Variants in PIGU observed in about 807,000 individuals in gnomAD.
PIGU encodes the protein phosphatidylinositol glycan anchor biosynthesis class U.
PIGU carries 24 observed loss-of-function variants against 49.9 expected under a neutral mutation model. That is an observed-to-expected ratio of 0.48 (90% CI 0.35 to 0.68). The LOEUF is 0.68. Ranked by LOEUF, PIGU falls within the 30% of genes least tolerant of loss-of-function variation. The probability of loss-of-function intolerance (pLI) is 0.01; values close to 1 mark genes in which losing one functional copy is unlikely to be tolerated. For synonymous variants in PIGU, 220 were observed against 205.7 expected (o/e 1.07, Z -0.59); for missense variants, 490 against 532.6 (o/e 0.92, Z 0.79).
At chr20:34,672,855 T>TTAAAAA (rs772400912) in intron 1 of PIGU, among the ~76,000 whole-genome samples, 6 of 95,302 alleles carry the variant, frequency 6.3e-5, no homozygotes, top group Non-Finnish European at 1.2e-4. Flanking sequence ...ACCCTGTCTC[T>TTAAAAA]CAAAAAAAAA....
intron 9 of PIGU, among the ~76,000 whole-genome samples, chr20:34,583,968 G>A (rs910873): frequency 0.046 from 6,974 of 152,272 alleles, 262 homozygotes; most frequent in Non-Finnish European, 0.081. Context: ...CCATCTAGGC[G>A]TATCTGTACC....
chr20:34,620,809 CAAAAAAAAAACA>C (rs1985184816), intron 6 of PIGU, among the ~76,000 whole-genome samples: 1 of 127,810 alleles, frequency 7.8e-6, no homozygotes, highest in African/African-American at 3.2e-5. Context: ...TAAAAAAAAA[CAAAAAAAAAACA>C]AAAAAAAAAA....
At chr20:34,568,158 C>T (rs1982855329) in intron 11 of PIGU, among the ~76,000 whole-genome samples, 1 of 152,206 alleles carries the variant, frequency 6.6e-6, no homozygotes, top group Non-Finnish European at 1.5e-5. Flanking sequence ...CGAGCCAGGA[C>T]AGACAGGGCT....
intron 2 of PIGU, among the ~76,000 whole-genome samples, chr20:34,654,523 G>T (rs1986649547): frequency 8.7e-6 from 1 of 114,610 alleles, no homozygotes; most frequent in Non-Finnish European, 1.8e-5. Context: ...TTCCTAACCT[G>T]TTTCTGCCAG....
intron 11 of PIGU, among the ~76,000 whole-genome samples, chr20:34,566,078 T>TCA (rs767994146): frequency 2.0e-5 from 3 of 150,330 alleles, no homozygotes; most frequent in Non-Finnish European, 4.4e-5. Flanking sequence ...CGCACTGCAC[T>TCA]CACACACACA....
chr20:34,645,845 C>T (rs1211922823), intron 2 of PIGU, among the ~76,000 whole-genome samples: 1 of 151,916 alleles, frequency 6.6e-6, no homozygotes, highest in Non-Finnish European at 1.5e-5. Context: ...TGTAGTGAGC[C>T]GAGATCACGC....
At chr20:34,640,499 GCACA>G (rs869136761) in intron 4 of PIGU, among the ~76,000 whole-genome samples, 2 of 16,468 alleles carry the variant, frequency 1.2e-4, no homozygotes, top group Non-Finnish European at 2.3e-4. Flanking sequence ...GTGCGCACGC[GCACA>G]CACACACACA....
At chr20:34,666,788 C>T (rs1195921450) in intron 1 of PIGU, among the ~76,000 whole-genome samples, 1 of 150,562 alleles carries the variant, frequency 6.6e-6, no homozygotes, top group East Asian at 1.9e-4. Flanking sequence ...ACTCCACCTC[C>T]CGGGTTGACG....
chr20:34,570,679 G>A (rs1327056835), intron 11 of PIGU, among the ~76,000 whole-genome samples: 1 of 152,160 alleles, frequency 6.6e-6, no homozygotes, highest in African/African-American at 2.4e-5. Flanking sequence ...TTACAGGTGT[G>A]AGCCACCGCG....
intron 6 of PIGU, among the ~76,000 whole-genome samples, chr20:34,624,738 A>G (rs531967382): frequency 1.1e-4 from 17 of 152,320 alleles, no homozygotes; most frequent in African/African-American, 4.1e-4. Flanking sequence ...AGCGAAACTT[A>G]AGCTGCTCCA....
chr20:34,658,589 G>A (rs1986793822), intron 1 of PIGU, among the ~76,000 whole-genome samples: 1 of 151,512 alleles, frequency 6.6e-6, no homozygotes, highest in South Asian at 2.1e-4. Flanking sequence ...GATGTGGGCA[G>A]TGCCTCTGCC....
intron 6 of PIGU, among the ~76,000 whole-genome samples, chr20:34,626,965 T>C (rs943472760): frequency 6.6e-6 from 1 of 152,094 alleles, no homozygotes; most frequent in Admixed American, 6.5e-5. Context: ...TGTAGAAATA[T>C]AACTTGCAGA....
chr20:34,640,440 A>G (rs1437248603), intron 4 of PIGU, among the ~76,000 whole-genome samples: 1 of 152,146 alleles, frequency 6.6e-6, no homozygotes, highest in East Asian at 1.9e-4. Context: ...CCAGCTAGAG[A>G]CAGGAAAGTG....
chr20:34,585,665 G>C, intron 8 of PIGU, 85 bp from the exon 9 acceptor site: 1 of 1,497,960 alleles, frequency 6.7e-7, no homozygotes, highest in Non-Finnish European at 9.1e-7. Flanking sequence ...GAAGACTTTG[G>C]TCACTGCTGG....
chr20:34,666,112 G>A (rs1378720217), intron 1 of PIGU, among the ~76,000 whole-genome samples: 1 of 152,042 alleles, frequency 6.6e-6, no homozygotes, highest in Admixed American at 6.6e-5. Flanking sequence ...CTTGAACCCA[G>A]AATGCGGAGG....
chr20:34,564,769 G>A lies in PIGU; in HGVS notation c.1195-3790C>T, dbSNP rs185923956. ...CTGAAGATGTGAATGGTGGACTCCC[G>A]CTGGTGGGTATGTATATGGGTGTCC... On this transcript the variant is annotated intron_variant, in intron 11 of 11. Transcript: ENST00000217446. 1.3e-4 allele frequency among the ~76,000 whole-genome samples: 20 copies of A among 152,338 alleles called. No homozygotes were observed. In the East Asian group the frequency reaches 3.3e-3, roughly 25 times the overall value.
intron 7 of PIGU, among the ~76,000 whole-genome samples, chr20:34,610,007 A>G (rs762177455): frequency 6.6e-5 from 10 of 152,096 alleles, no homozygotes; most frequent in Non-Finnish European, 1.3e-4. Flanking sequence ...CCCTTCGGCT[A>G]TATTTGTAAG....
chr20:34,646,610 T>C, intron 2 of PIGU, among the ~76,000 whole-genome samples: 1 of 151,458 alleles, frequency 6.6e-6, no homozygotes, highest in East Asian at 2.0e-4. Context: ...GGTTTCACCA[T>C]GTTGGCCAGG....
At chr20:34,638,040 T>C (rs1419726134) in intron 4 of PIGU, 55 bp from the exon 5 acceptor site, 2 of 1,539,782 alleles carry the variant, frequency 1.3e-6, no homozygotes, top group Non-Finnish European at 1.7e-6. Context: ...TCACTTCCCA[T>C]TGTTTTTATG....
Sources: gnomAD v4.1 joint callset for allele counts (sites outside exome capture counted in the v4.1 genomes callset) on GRCh38, gnomAD v4.1.1 for gene constraint, MANE v1.5 for transcripts, NCBI Gene and HGNC (gene_info 2026-07-23, HGNC 2026-07-21) for gene names.